The following CADM2 variants were observed in gnomAD, a reference collection of about 807,000 sequenced individuals.
CADM2 encodes the protein cell adhesion molecule 2.
CADM2 carries 12 observed loss-of-function variants against 49.8 expected under a neutral mutation model. That is an observed-to-expected ratio of 0.24 (90% CI 0.15 to 0.39). CADM2 has a LOEUF of 0.39. Among genes scored for constraint, CADM2 ranks in the 10% least tolerant of loss-of-function variants. CADM2 has a pLI of 1.00. For synonymous variants in CADM2, 214 were observed against 175.4 expected (o/e 1.22, Z -1.74); for missense variants, 378 against 492.3 (o/e 0.77, Z 2.20).
intron 1 of CADM2, among the ~76,000 whole-genome samples, chr3:85,076,625 G>A (rs1275916122): frequency 1.3e-5 from 2 of 151,886 alleles, no homozygotes; most frequent in African/African-American, 2.4e-5. Context: ...GGAATTACAG[G>A]CATGAGCCAC....
intron 2 of CADM2, among the ~76,000 whole-genome samples, chr3:85,756,424 T>C (rs1400301818): frequency 1.3e-5 from 2 of 152,174 alleles, no homozygotes; most frequent in Non-Finnish European, 2.9e-5. Context: ...TACATGATCA[T>C]TGGCTCTCCC....
At chr3:85,555,556 G>A (rs970548445) in intron 1 of CADM2, among the ~76,000 whole-genome samples, 15 of 151,998 alleles carry the variant, frequency 9.9e-5, no homozygotes, top group African/African-American at 3.6e-4. Flanking sequence ...ATAAAATCAA[G>A]CAGAGATTTG....
chr3:85,273,064 A>C (rs556661269), intron 1 of CADM2, among the ~76,000 whole-genome samples: 3 of 151,244 alleles, frequency 2.0e-5, no homozygotes, highest in Non-Finnish European at 4.4e-5. Flanking sequence ...AATTTTGAGG[A>C]ACGTAAAGGA....
intron 1 of CADM2, among the ~76,000 whole-genome samples, chr3:85,530,530 C>T (rs1331893226): frequency 1.3e-5 from 2 of 151,964 alleles, no homozygotes; most frequent in East Asian, 2.0e-4. Flanking sequence ...GGGGTTTCAC[C>T]GTGTTAGCCA....
rs377424090 is a variant in CADM2 at position 85,430,031 on chromosome 3, A to T, written c.62-296491A>T. ...AACGGGATTAGATGGGGAAATTTTGAATGAACACATGATGGATCATGAAAT... is the reference window on the plus strand; with the variant it reads ...AACGGGATTAGATGGGGAAATTTTGTATGAACACATGATGGATCATGAAAT... On this transcript the variant is annotated intron_variant, in intron 1 of 9. Coordinates refer to ENST00000383699, the MANE Select transcript of CADM2 (RefSeq NM_001167675.2). Among the ~76,000 whole-genome samples the T allele has an allele frequency of 3.7e-4, 57 of 152,294 alleles. 1 individual carries two copies. Among genetic ancestry groups the T allele is most frequent in the East Asian group, 3.5e-3 (18 of 5,170 alleles).
chr3:85,686,894 AC>A (rs1226360936), intron 1 of CADM2, among the ~76,000 whole-genome samples: 3 of 152,202 alleles, frequency 2.0e-5, no homozygotes, highest in African/African-American at 4.8e-5. Flanking sequence ...TTCAGACAGA[AC>A]CAATGTTCAT....
At chr3:85,778,376 A>G (rs989083962) in intron 2 of CADM2, among the ~76,000 whole-genome samples, 2 of 152,054 alleles carry the variant, frequency 1.3e-5, no homozygotes, top group African/African-American at 4.8e-5. Context: ...TCCCCACCCA[A>G]ATTTCACCTT....
At position 86,067,063 on chromosome 3, in the gene CADM2, T is replaced by C. The variant is rs556122611; in HGVS notation, c.*280T>C. ...TATACAGCCTTAACAATGTTAATCA[T>C]CTCCTTGGATCATTATATTGAGTGG... is the stretch of plus-strand genomic sequence containing the variant. On this transcript the variant is annotated 3_prime_UTR_variant, in exon 10 of 10. Transcript: ENST00000383699. The C allele has an allele frequency of 1.5e-5, 5 of 325,490 alleles. No homozygotes were observed. The allele number at this position is 325,490 out of a possible 1,614,324, so 20.2% of individuals were successfully genotyped here.
At chr3:84,969,129 A>C (rs2107078854) in intron 1 of CADM2, among the ~76,000 whole-genome samples, 1 of 152,062 alleles carries the variant, frequency 6.6e-6, no homozygotes, top group Admixed American at 6.6e-5. Flanking sequence ...CATTTGTCTT[A>C]ATTGTACCCT....
chr3:85,716,910 A>G (rs1018311690), intron 1 of CADM2, among the ~76,000 whole-genome samples: 2 of 152,172 alleles, frequency 1.3e-5, no homozygotes, highest in South Asian at 4.1e-4. Context: ...CTTGTAGCAC[A>G]GTTTGAAGTC....
intron 1 of CADM2, among the ~76,000 whole-genome samples, chr3:85,158,250 A>C (rs189019997): frequency 0.012 from 1,809 of 152,324 alleles, 36 homozygotes; most frequent in African/African-American, 0.042. Flanking sequence ...GTGGGACTGT[A>C]AACTAGTTCA....
intron 1 of CADM2, among the ~76,000 whole-genome samples, chr3:85,242,171 A>T (rs898111486): frequency 2.0e-4 from 31 of 151,364 alleles, no homozygotes; most frequent in African/African-American, 7.0e-4. Context: ...AAACTTTTCT[A>T]CTTAGACTCT....
intron 1 of CADM2, among the ~76,000 whole-genome samples, chr3:85,649,001 G>T (rs2107575455): frequency 6.6e-6 from 1 of 151,874 alleles, no homozygotes; most frequent in East Asian, 1.9e-4. Context: ...AATTCCTCTT[G>T]TGCTCTATGT....
chr3:85,502,968 G>A (rs1224712903), intron 1 of CADM2, among the ~76,000 whole-genome samples: 1 of 149,370 alleles, frequency 6.7e-6, no homozygotes, highest in Non-Finnish European at 1.5e-5. Context: ...GTAAAAGATT[G>A]TAAAAGAAAA....
chr3:85,285,128 G>A (rs376133934), intron 1 of CADM2, among the ~76,000 whole-genome samples: 18 of 152,230 alleles, frequency 1.2e-4, no homozygotes, highest in African/African-American at 4.3e-4. Context: ...GAAGGACAAA[G>A]CTGCTATTTA....
chr3:85,004,830 T>C (rs778811946), intron 1 of CADM2, among the ~76,000 whole-genome samples: 6 of 152,168 alleles, frequency 3.9e-5, no homozygotes, highest in African/African-American at 1.4e-4. Flanking sequence ...TAAGCAGTTA[T>C]AAGACCTCCA....
At chr3:85,555,275 C>T (rs11713902) in intron 1 of CADM2, among the ~76,000 whole-genome samples, 25,621 of 152,088 alleles carry the variant, frequency 0.17, 2,670 homozygotes, top group Non-Finnish European at 0.23. Context: ...TTGATGCTTT[C>T]CAGCAGTTTA....
At position 85,359,667 on chromosome 3, in the gene CADM2, T is replaced by TATATATATATATATA. The variant is rs1491224693; in HGVS notation, c.62-366855_62-366854insATATATATATATATA. On this transcript the variant is annotated intron_variant, in intron 1 of 9. Transcript: ENST00000383699. ...ATATATATATATATATATATATATA[T>TATATATATATATATA]TTTTTTTTTTGGTGGAGGGGAGAAG... Among the ~76,000 whole-genome samples the TATATATATATATATA allele has an allele frequency of 2.4e-3, 39 of 16,448 alleles. 1 individual carries two copies. The highest frequency in any genetic ancestry group is 5.6e-3 in the African/African-American group (30 of 5,360). The allele number at this position is 16,448 out of a possible 152,430, so 10.8% of individuals were successfully genotyped here. A position where few individuals can be genotyped will look rare whatever the true frequency, so the allele number is the denominator to read the frequency against.
intron 1 of CADM2, among the ~76,000 whole-genome samples, chr3:85,212,865 T>TCTTG: frequency 2.2e-5 from 3 of 133,390 alleles, no homozygotes; most frequent in African/African-American, 9.8e-5. Context: ...TTTCTTTCTT[T>TCTTG]CTTTCTTTCT....
Sources: allele counts gnomAD v4.1 joint callset (sites outside exome capture counted in the v4.1 genomes callset), GRCh38; gene constraint gnomAD v4.1.1; transcripts MANE v1.5; gene names NCBI Gene and HGNC (gene_info 2026-07-23, HGNC 2026-07-21).